Variants in TMPRSS3 observed in about 807,000 individuals in gnomAD.
TMPRSS3 encodes transmembrane serine protease 3.
Under a neutral mutation model 59.6 loss-of-function variants are expected in TMPRSS3, and 55 were observed. The observed-to-expected ratio is 0.92, with a 90% CI of 0.74 to 1.16. TMPRSS3 has a LOEUF of 1.16. Among genes scored for constraint, TMPRSS3 ranks in the 50% most tolerant of loss-of-function variants. TMPRSS3 has a pLI of 0.00. For missense variants in TMPRSS3, 596 were observed against 579.4 expected, an observed-to-expected ratio of 1.03 and a Z score of -0.29; for synonymous variants, 257 against 237.7, an observed-to-expected ratio of 1.08 and a Z score of -0.75.
At chr21:42,376,763 G>T (rs574609099) in intron 10 of TMPRSS3, 80 bp from the exon 11 acceptor site, 4 of 1,604,666 alleles carry the variant, frequency 2.5e-6, no homozygotes, top group East Asian at 2.2e-5. Context: ...GAGACCAGGG[G>T]GGTGAGGGAA....
At chr21:42,383,234 G>T in intron 7 of TMPRSS3, 36 bp from the exon 8 acceptor site, 1 of 1,611,580 alleles carries the variant, frequency 6.2e-7, no homozygotes, top group Non-Finnish European at 8.5e-7. Flanking sequence ...GGTCCACCCT[G>T]CAGACTTCTT....
chr21:42,383,110 C>A lies in TMPRSS3; in HGVS notation c.705G>T (p.Gln235His), dbSNP rs202037999. Reference protein sequence around the residue: ...LSQWPWQASLQFQGYHLCGGS... With the variant: ...LSQWPWQASLHFQGYHLCGGS... ...CCCCGCACAGGTGGTAGCCCTGGAA[C>A]TGAAGGCTGGCCTGCCAGGGCCACT... The change falls in exon 8 of 13, where the codon CAG becomes CAT. Residue 235 changes from glutamine to histidine, a missense_variant. By Grantham distance (24) the Gln-to-His change is conservative (BLOSUM62 0). Transcript: ENST00000644384. 1.2e-6 allele frequency: 2 copies of A among 1,614,076 alleles called. No homozygotes were observed. Among genetic ancestry groups the A allele is most frequent in the Non-Finnish European group, 1.7e-6 (2 of 1,180,050 alleles).
intron 10 of TMPRSS3, among the ~76,000 whole-genome samples, chr21:42,378,707 C>T (rs75000284): frequency 2.6e-5 from 4 of 151,592 alleles, no homozygotes; most frequent in Middle Eastern, 6.8e-3. Context: ...TAAATCTCCA[C>T]TTTTTTTTTG....
At chr21:42,375,035 G>A (rs1029188919) in intron 12 of TMPRSS3, among the ~76,000 whole-genome samples, 15 of 151,844 alleles carry the variant, frequency 9.9e-5, no homozygotes, top group African/African-American at 2.7e-4. Flanking sequence ...TTTCCCCGGC[G>A]CCCACATGAG....
At position 42,376,618 on chromosome 21, in the gene TMPRSS3, T is replaced by G; in HGVS notation, c.1114A>C (p.Arg372=). ...GAGATGATGCCACCGTACACGTCCC[T>G]GTGGTTGCAGATCTTGTTGGAAATC... ...PLISNKICNH[R]DVYGGIISPS... is the part of the protein sequence containing the mutation. Residue 372 remains arginine, a synonymous_variant, in exon 11 of 13, where the codon AGG becomes CGG. Transcript: ENST00000644384. 1 of 1,614,024 alleles carries G rather than the reference T, an allele frequency of 6.2e-7. No individual in the cohort carries two copies.
In TMPRSS3 at chr21:42,388,243, C is replaced by T. The variant is rs2052667621; in HGVS notation, c.446+160G>A. Among the ~76,000 whole-genome samples, 1 of 152,210 alleles carries T rather than the reference C, an allele frequency of 6.6e-6. No homozygotes were observed. The highest frequency in any genetic ancestry group is 1.5e-5 in the Non-Finnish European group (1 of 68,044). On this transcript the variant is annotated intron_variant, in intron 5 of 12. Transcript: ENST00000644384. The surrounding 1 kb of genome is among the most constrained non-coding windows in gnomAD (Gnocchi z 5.1). Reference sequence around the variant, plus strand: ...GCCTGTCTGGCCTTGGTTTGCTTGCCTGTGAAGTGAGGATGATATCGGGCA... The same window carrying T: ...GCCTGTCTGGCCTTGGTTTGCTTGCTTGTGAAGTGAGGATGATATCGGGCA...
intron 11 of TMPRSS3, among the ~76,000 whole-genome samples, chr21:42,376,076 G>T (rs954508513): frequency 6.6e-6 from 1 of 152,144 alleles, no homozygotes; most frequent in Non-Finnish European, 1.5e-5. Context: ...CGGCCCCTTT[G>T]GGGTGCTGCC....
At chr21:42,374,323 C>A (rs1290271831) in intron 12 of TMPRSS3, among the ~76,000 whole-genome samples, 1 of 152,240 alleles carries the variant, frequency 6.6e-6, no homozygotes, top group Non-Finnish European at 1.5e-5. Flanking sequence ...GTGCTCAGGG[C>A]TGCAGGGCGG....
chr21:42,385,602 C>T lies in TMPRSS3; in HGVS notation c.447-68G>A, dbSNP rs144485048. The stretch of plus-strand genomic sequence containing the variant: ...CACTTTGAAGCATTCAACCGATGTG[C>T]GAGTCACAATATTACAGGGATTGTA... On this transcript the variant is annotated intron_variant, in intron 5 of 12. Transcript: ENST00000644384. 160 of 1,588,896 alleles carry T rather than the reference C, an allele frequency of 1.0e-4. 1 individual carries two copies. The highest frequency in any genetic ancestry group is 8.8e-4 in the Admixed American group (53 of 59,892).
At chr21:42,379,763 G>C (rs55845502) in intron 10 of TMPRSS3, among the ~76,000 whole-genome samples, 11 of 152,056 alleles carry the variant, frequency 7.2e-5, no homozygotes, top group Non-Finnish European at 1.5e-5. Flanking sequence ...TCACAAATAC[G>C]AATCTTTGAG....
chr21:42,385,090 C>G (rs1030552138), intron 6 of TMPRSS3, among the ~76,000 whole-genome samples: 2 of 51,638 alleles, frequency 3.9e-5, no homozygotes, highest in South Asian at 1.1e-3. Flanking sequence ...TTTTCCTCCC[C>G]ACCCCCCTTC....
Position 42,372,525 on chromosome 21 carries a change from A to C in TMPRSS3, c.*237T>G, listed in dbSNP as rs2146414793. 1 of 660,290 alleles carries C rather than the reference A, an allele frequency of 1.5e-6. No individual in the cohort carries two copies. Among genetic ancestry groups the C allele is most frequent in the Non-Finnish European group, 2.8e-6 (1 of 359,068 alleles). 40.9% of individuals were successfully genotyped at this position (660,290 alleles called of 1,614,324 possible). On this transcript the variant is annotated 3_prime_UTR_variant, in exon 13 of 13. Coordinates refer to ENST00000644384, the MANE Select transcript of TMPRSS3 (RefSeq NM_001256317.3). ...CAGTGAGCAGGGATTTCGCCACTGC[A>C]CTCCAGCCTGGGCAACAGAGCGAGA...
At chr21:42,385,139 G>A (rs1240140553) in intron 6 of TMPRSS3, among the ~76,000 whole-genome samples, 8 of 125,206 alleles carry the variant, frequency 6.4e-5, no homozygotes. Flanking sequence ...CACCCAGAGT[G>A]CCTGTCACAT....
chr21:42,389,890 G>T, intron 3 of TMPRSS3, 37 bp downstream of exon 3: 2 of 1,479,738 alleles, frequency 1.4e-6, no homozygotes, highest in Non-Finnish European at 1.9e-6. Context: ...ACTTGGCTAG[G>T]TATTTGAGAT....
intron 5 of TMPRSS3, among the ~76,000 whole-genome samples, chr21:42,387,699 C>A (rs2052658583): frequency 6.6e-6 from 1 of 152,110 alleles, no homozygotes; most frequent in East Asian, 1.9e-4. Context: ...ATGCAGCCTG[C>A]CTGCTTTGAG....
intron 12 of TMPRSS3, among the ~76,000 whole-genome samples, chr21:42,374,497 G>C (rs1179048426): frequency 6.6e-6 from 1 of 152,246 alleles, no homozygotes; most frequent in Non-Finnish European, 1.5e-5. Context: ...TTGGCCAATT[G>C]TTTCAAATTA....
In TMPRSS3 at chr21:42,388,811, C is replaced by T; in HGVS notation, c.322+118G>A. The T allele has an allele frequency of 9.5e-7, 1 of 1,050,858 alleles. No homozygotes were observed. The highest frequency in any genetic ancestry group is 1.5e-6 in the Non-Finnish European group (1 of 677,652). The allele number at this position is 1,050,858 out of a possible 1,614,324, so 65.1% of individuals were successfully genotyped here. On this transcript the variant is annotated intron_variant, in intron 4 of 12. Coordinates refer to ENST00000644384, the MANE Select transcript of TMPRSS3 (RefSeq NM_001256317.3). This position sits in a 1 kb window ranked among gnomAD's most constrained non-coding sequence, Gnocchi z 5.1. ...CTTTGGGCAAACGCCAGTTCAATCC[C>T]AGCTGAAGACATGACCTAAAAATGG...
chr21:42,382,332 G>A (rs778243902), intron 8 of TMPRSS3, 98 bp from the exon 9 acceptor site: 221 of 1,105,682 alleles, frequency 2.0e-4, no homozygotes, highest in Non-Finnish European at 2.6e-4. Context: ...TGGTGGGAGA[G>A]GTTATCAGGC....
intron 10 of TMPRSS3, among the ~76,000 whole-genome samples, chr21:42,378,607 C>T (rs917357351): frequency 1.3e-5 from 2 of 152,226 alleles, no homozygotes; most frequent in Non-Finnish European, 2.9e-5. Context: ...AATGCCAGTG[C>T]AGCTGCAGCC....
Sources: allele counts gnomAD v4.1 joint callset (sites outside exome capture counted in the v4.1 genomes callset), GRCh38; gene constraint gnomAD v4.1.1; non-coding constraint Gnocchi (gnomAD v3.1); transcripts MANE v1.5; gene names NCBI Gene and HGNC (gene_info 2026-07-23, HGNC 2026-07-21).